Variants in SPATS2 observed in about 807,000 individuals in gnomAD.
SPATS2 encodes the protein spermatogenesis-associated serine-rich protein 2.
In SPATS2, 38 loss-of-function variants were observed where a neutral mutation model predicts 63.7. The observed-to-expected ratio is 0.60, with a 90% CI of 0.46 to 0.78. The LOEUF (loss-of-function observed/expected upper bound fraction) is 0.78, where lower values mean the gene tolerates loss of function less well. Ranked by LOEUF, SPATS2 falls within the 30% of genes least tolerant of loss-of-function variation. The pLI, the probability that SPATS2 is intolerant of heterozygous loss-of-function variation, is 0.00. For missense variants in SPATS2, 588 were observed against 666.2 expected (o/e 0.88, Z 1.29); for synonymous variants, 207 against 232.9 (o/e 0.89, Z 1.01).
chr12:49,455,851 G>A (rs1209450080), intron 2 of SPATS2, among the ~76,000 whole-genome samples: 1 of 152,130 alleles, frequency 6.6e-6, no homozygotes, highest in Non-Finnish European at 1.5e-5. Flanking sequence ...CAAACTCCTG[G>A]GCTAAAGCAG....
rs141983435 is a variant in SPATS2 at position 49,474,196 on chromosome 12, G to C, written c.26-10394G>C. Among the ~76,000 whole-genome samples the C allele has an allele frequency of 3.2e-3, 489 of 152,294 alleles. 1 individual carries two copies. Among genetic ancestry groups the C allele is most frequent in the South Asian group, 0.017 (84 of 4,830 alleles). ...ATTAAACAAGTGTGTTACTTACATA[G>C]AGTGTCTCTTATCTTCACAAGTTTA... On this transcript the variant is annotated intron_variant, in intron 3 of 13. Transcript: ENST00000552918.
At chr12:49,428,920 A>G (rs1945131408) in intron 2 of SPATS2, among the ~76,000 whole-genome samples, 2 of 152,280 alleles carry the variant, frequency 1.3e-5, no homozygotes, top group South Asian at 4.1e-4. Flanking sequence ...AGTATTGTTT[A>G]AATCCGTTAT....
chr12:49,413,452 TGG>T (rs1944833962), intron 2 of SPATS2, among the ~76,000 whole-genome samples: 1 of 152,058 alleles, frequency 6.6e-6, no homozygotes, highest in Non-Finnish European at 1.5e-5. Context: ...CTGGAACTCC[TGG>T]GTTCAAGTGA....
chr12:49,407,160 C>G (rs1944711716), intron 2 of SPATS2, among the ~76,000 whole-genome samples: 1 of 152,114 alleles, frequency 6.6e-6, no homozygotes, highest in African/African-American at 2.4e-5. Flanking sequence ...ATCTGACCAC[C>G]CTCTCTACTG....
At chr12:49,502,188 C>T (rs1173623197) in intron 9 of SPATS2, among the ~76,000 whole-genome samples, 2 of 152,156 alleles carry the variant, frequency 1.3e-5, no homozygotes, top group Non-Finnish European at 2.9e-5. Flanking sequence ...CTAACTGTGT[C>T]TCTGTTCACA....
intron 1 of SPATS2, among the ~76,000 whole-genome samples, chr12:49,368,152 G>C (rs1424634031): frequency 1.3e-5 from 2 of 152,210 alleles, no homozygotes; most frequent in African/African-American, 4.8e-5. Flanking sequence ...GGTAGATTCA[G>C]TCAGTTTTGG....
At chr12:49,437,959 T>C (rs1945347132) in intron 2 of SPATS2, among the ~76,000 whole-genome samples, 1 of 151,894 alleles carries the variant, frequency 6.6e-6, no homozygotes, top group African/African-American at 2.4e-5. Context: ...CATAAAAAAA[T>C]TAAAAAGCTT....
At chr12:49,498,139 A>ATATAT (rs1555191141) in intron 8 of SPATS2, among the ~76,000 whole-genome samples, 17 of 84,244 alleles carry the variant, frequency 2.0e-4, no homozygotes, top group African/African-American at 9.6e-4. Flanking sequence ...AGCCAAAAAA[A>ATATAT]AAAAAAATAT....
intron 9 of SPATS2, among the ~76,000 whole-genome samples, chr12:49,505,308 T>C (rs1192720037): frequency 6.6e-6 from 1 of 152,184 alleles, no homozygotes; most frequent in Non-Finnish European, 1.5e-5. Flanking sequence ...TTTTTGAAGC[T>C]TAGTTTGTTG....
At chr12:49,423,338 G>A (rs1163467515) in intron 2 of SPATS2, among the ~76,000 whole-genome samples, 1 of 152,148 alleles carries the variant, frequency 6.6e-6, no homozygotes, top group East Asian at 1.9e-4. Context: ...CCCCATGTTG[G>A]CCAGGCTGGT....
At chr12:49,395,415 T>C (rs2137269221) in intron 2 of SPATS2, among the ~76,000 whole-genome samples, 1 of 149,632 alleles carries the variant, frequency 6.7e-6, no homozygotes, top group Non-Finnish European at 1.5e-5. Flanking sequence ...CAATACTACC[T>C]TGTTTTTCAG....
At chr12:49,486,666 GCC>G (rs779142619) in intron 4 of SPATS2, among the ~76,000 whole-genome samples, 66 of 151,650 alleles carry the variant, frequency 4.4e-4, no homozygotes, top group Non-Finnish European at 1.5e-4. Flanking sequence ...TCCCTCTGTT[GCC>G]CAGGCTGGAG....
At chr12:49,519,499 T>C (rs560681565) in intron 11 of SPATS2, among the ~76,000 whole-genome samples, 67 of 152,316 alleles carry the variant, frequency 4.4e-4, no homozygotes, top group African/African-American at 1.5e-3. Context: ...ATCTCTTGCC[T>C]GGACTTCTGT....
chr12:49,447,507 G>A (rs985284385), intron 2 of SPATS2, among the ~76,000 whole-genome samples: 1 of 152,204 alleles, frequency 6.6e-6, no homozygotes, highest in Non-Finnish European at 1.5e-5. Flanking sequence ...AAAGTGCTGG[G>A]ATTACAGGCG....
intron 9 of SPATS2, among the ~76,000 whole-genome samples, chr12:49,513,884 C>T (rs930665757): frequency 6.6e-5 from 10 of 152,072 alleles, no homozygotes; most frequent in Non-Finnish European, 7.4e-5. Context: ...AGGCCGGGCG[C>T]GGTGGCTCAC....
chr12:49,375,468 A>G (rs1592336947), intron 2 of SPATS2, among the ~76,000 whole-genome samples: 1 of 152,154 alleles, frequency 6.6e-6, no homozygotes, highest in East Asian at 1.9e-4. Flanking sequence ...TACATTATCC[A>G]CTTGGTCTCT....
chr12:49,406,400 T>C, intron 2 of SPATS2: 1 of 152,280 alleles, frequency 6.6e-6, no homozygotes, highest in Non-Finnish European at 1.5e-5. Context: ...TCCTCCCACT[T>C]CAGCCTCCCC....
intron 2 of SPATS2, among the ~76,000 whole-genome samples, chr12:49,375,147 TG>T (rs1944074064): frequency 9.6e-5 from 1 of 10,462 alleles, no homozygotes; most frequent in Non-Finnish European, 4.0e-4. Context: ...GTGGAGTGTG[TG>T]TGTGTGTGTG....
chr12:49,475,945 G>T (rs1946110222), intron 3 of SPATS2, among the ~76,000 whole-genome samples: 1 of 152,014 alleles, frequency 6.6e-6, no homozygotes, highest in Non-Finnish European at 1.5e-5. Context: ...GTCGGGAAGG[G>T]AAGTGCTGGG....
Sources: gnomAD v4.1 joint callset for allele counts (sites outside exome capture counted in the v4.1 genomes callset) on GRCh38, gnomAD v4.1.1 for gene constraint, MANE v1.5 for transcripts, NCBI Gene and HGNC (gene_info 2026-07-23, HGNC 2026-07-21) for gene names.